Variants in PRDM5 observed in about 807,000 individuals in gnomAD.
PRDM5 encodes the protein PR/SET domain 5.
In PRDM5, 56 loss-of-function variants were observed where a neutral mutation model predicts 81.2. The ratio of observed to expected loss-of-function variants is 0.69; its 90% CI spans 0.56 to 0.86. PRDM5 has a LOEUF of 0.86. PRDM5 is among the 40% of genes least tolerant of loss of function. PRDM5 has a pLI of 0.00. For synonymous variants in PRDM5, 267 were observed against 256.4 expected (o/e 1.04, Z -0.39); for missense variants, 697 against 770.1 (o/e 0.91, Z 1.12).
intron 10 of PRDM5, among the ~76,000 whole-genome samples, chr4:120,797,959 G>A (rs1359874925): frequency 6.6e-6 from 1 of 152,058 alleles, no homozygotes; most frequent in Admixed American, 6.6e-5. Context: ...AAAAGCTAAC[G>A]TAAATAAAAA....
chr4:120,846,630 T>G (rs1434562167), intron 3 of PRDM5, among the ~76,000 whole-genome samples: 1 of 152,212 alleles, frequency 6.6e-6, no homozygotes, highest in Non-Finnish European at 1.5e-5. Context: ...GATACTCACT[T>G]TCTTGGAGTG....
At chr4:120,783,805 C>T (rs968077345) in intron 11 of PRDM5, among the ~76,000 whole-genome samples, 1 of 152,134 alleles carries the variant, frequency 6.6e-6, no homozygotes. Flanking sequence ...CCTTTTTTTA[C>T]AGGAAGCAGA....
At chr4:120,919,676 T>A (rs1724652584) in intron 1 of PRDM5, among the ~76,000 whole-genome samples, 1 of 152,208 alleles carries the variant, frequency 6.6e-6, no homozygotes, top group African/African-American at 2.4e-5. Context: ...TTTGAGTAAC[T>A]AATATTAATT....
chr4:120,911,501 CT>C (rs1190949763), intron 1 of PRDM5, among the ~76,000 whole-genome samples: 4 of 152,204 alleles, frequency 2.6e-5, no homozygotes, highest in African/African-American at 9.7e-5. Context: ...ATTCAATCTT[CT>C]ATTCACTGGA....
chr4:120,729,486 T>C lies in PRDM5; in HGVS notation c.1624-19073A>G, dbSNP rs181223487. Among the ~76,000 whole-genome samples the C allele has an allele frequency of 8.6e-4, 131 of 152,294 alleles. 1 individual carries two copies. Among genetic ancestry groups the C allele is most frequent in the African/African-American group, 3.1e-3 (127 of 41,570 alleles). On this transcript the variant is annotated intron_variant, in intron 14 of 15. Transcript: ENST00000264808. Reference sequence around the variant, plus strand: ...AATTCACACAGCCTAAACACCAATCTTGATATAAACTTGCCATGTGACCTA... The same window carrying C: ...AATTCACACAGCCTAAACACCAATCCTGATATAAACTTGCCATGTGACCTA...
chr4:120,743,967 C>G (rs1742549679), intron 14 of PRDM5, among the ~76,000 whole-genome samples: 1 of 152,054 alleles, frequency 6.6e-6, no homozygotes, highest in Non-Finnish European at 1.5e-5. Flanking sequence ...CCCAAATCAA[C>G]AGAATATACA....
Position 120,728,703 on chromosome 4 carries a change from C to T in PRDM5, c.1624-18290G>A, listed in dbSNP as rs73845472. ...CCCTTACATACGTCGCCTAGTGTTG[C>T]GTTAGAAGCATGGTATTGGCCTTTT... On this transcript the variant is annotated intron_variant, in intron 14 of 15. Coordinates refer to ENST00000264808, the MANE Select transcript of PRDM5 (RefSeq NM_018699.4). 2.7e-3 allele frequency among the ~76,000 whole-genome samples: 418 copies of T among 152,152 alleles called. 2 individuals carry two copies. The highest frequency in any genetic ancestry group is 9.6e-3 in the African/African-American group (398 of 41,500).
chr4:120,913,891 A>G (rs1766787726), intron 1 of PRDM5, among the ~76,000 whole-genome samples: 1 of 152,212 alleles, frequency 6.6e-6, no homozygotes, highest in South Asian at 2.1e-4. Context: ...AGGAGACCAG[A>G]AAGCTGACTG....
chr4:120,775,950 T>C (rs1358485981), intron 13 of PRDM5, among the ~76,000 whole-genome samples: 3 of 152,162 alleles, frequency 2.0e-5, no homozygotes, highest in African/African-American at 4.8e-5. Context: ...TCCTTACTTA[T>C]GTACCATCAG....
chr4:120,843,738 A>C (rs1758324682), intron 3 of PRDM5, among the ~76,000 whole-genome samples: 2 of 152,202 alleles, frequency 1.3e-5, no homozygotes, highest in South Asian at 4.2e-4. Flanking sequence ...ATCAGCCTGC[A>C]CAAAACTTTC....
intron 3 of PRDM5, among the ~76,000 whole-genome samples, chr4:120,843,161 T>C (rs1410175745): frequency 1.3e-5 from 2 of 151,372 alleles, no homozygotes; most frequent in African/African-American, 4.9e-5. Context: ...GCTGGTGAAA[T>C]CCTGTCTACT....
chr4:120,781,875 C>A (rs1749085275), intron 11 of PRDM5, among the ~76,000 whole-genome samples: 1 of 152,134 alleles, frequency 6.6e-6, no homozygotes, highest in African/African-American at 2.4e-5. Context: ...CCTGATTCAG[C>A]CCTTGGGCAG....
At chr4:120,890,184 G>A (rs976441979) in intron 2 of PRDM5, among the ~76,000 whole-genome samples, 1 of 152,136 alleles carries the variant, frequency 6.6e-6, no homozygotes, top group African/African-American at 2.4e-5. Flanking sequence ...TTCTGGGGAG[G>A]CCTCAGGAAA....
chr4:120,772,633 T>A (rs994660470), intron 13 of PRDM5, among the ~76,000 whole-genome samples: 1 of 152,200 alleles, frequency 6.6e-6, no homozygotes, highest in Non-Finnish European at 1.5e-5. Context: ...TTAAACAGAA[T>A]GGCCTCTGTC....
intron 3 of PRDM5, among the ~76,000 whole-genome samples, chr4:120,849,461 G>T (rs1214376342): frequency 6.6e-6 from 1 of 152,106 alleles, no homozygotes; most frequent in Non-Finnish European, 1.5e-5. Context: ...AATACCCAGT[G>T]CCTTCTCACC....
chr4:120,886,925 G>A (rs1261894369), intron 2 of PRDM5, among the ~76,000 whole-genome samples: 5 of 151,166 alleles, frequency 3.3e-5, no homozygotes, highest in African/African-American at 1.2e-4. Flanking sequence ...ATACTTAAAA[G>A]TCATTCTTGA....
chr4:120,916,835 T>C (rs1387174003), intron 1 of PRDM5, among the ~76,000 whole-genome samples: 1 of 152,196 alleles, frequency 6.6e-6, no homozygotes, highest in African/African-American at 2.4e-5. Flanking sequence ...TCCAATCCTA[T>C]CAGCATGTTC....
intron 14 of PRDM5, among the ~76,000 whole-genome samples, chr4:120,734,375 A>G (rs1456362375): frequency 1.3e-5 from 2 of 148,304 alleles, no homozygotes; most frequent in Non-Finnish European, 3.0e-5. Flanking sequence ...GACTAGCTCC[A>G]GTGAGATGTT....
chr4:120,838,982 G>GT (rs1757683569), intron 3 of PRDM5: 1 of 537,174 alleles, frequency 1.9e-6, no homozygotes, highest in African/African-American at 1.9e-5. Context: ...GCCAGCACAG[G>GT]TGCCAGCTCT....
Sources: gnomAD v4.1 joint callset for allele counts (sites outside exome capture counted in the v4.1 genomes callset) on GRCh38, gnomAD v4.1.1 for gene constraint, MANE v1.5 for transcripts, NCBI Gene and HGNC (gene_info 2026-07-23, HGNC 2026-07-21) for gene names.